Variants in OPCML observed in about 807,000 individuals in gnomAD.
The protein encoded by OPCML is opioid-binding protein/cell adhesion molecule.
OPCML carries 13 observed loss-of-function variants against 37.8 expected under a neutral mutation model. That is an observed-to-expected ratio of 0.34 (90% CI 0.22 to 0.55). The LOEUF is 0.55. Among genes scored for constraint, OPCML ranks in the 20% least tolerant of loss-of-function variants. The pLI, the probability that OPCML is intolerant of heterozygous loss-of-function variation, is 0.91. For synonymous variants in OPCML, 176 were observed against 168.8 expected (o/e 1.04, Z -0.33); for missense variants, 341 against 435.6 (o/e 0.78, Z 1.93).
intron 3 of OPCML, among the ~76,000 whole-genome samples, chr11:132,563,683 CTT>C (rs1591555764): frequency 6.6e-6 from 1 of 152,070 alleles, no homozygotes; most frequent in African/African-American, 2.4e-5. Flanking sequence ...AAGAAATTTC[CTT>C]TCAGTGTCCA....
At chr11:132,664,079 G>A (rs1942117489) in intron 2 of OPCML, among the ~76,000 whole-genome samples, 1 of 152,026 alleles carries the variant, frequency 6.6e-6, no homozygotes, top group Admixed American at 6.5e-5. Flanking sequence ...TGATCCGCCC[G>A]CCTCGGCCTC....
At chr11:133,222,605 G>A (rs901722023) in intron 1 of OPCML, among the ~76,000 whole-genome samples, 1 of 152,180 alleles carries the variant, frequency 6.6e-6, no homozygotes, top group Non-Finnish European at 1.5e-5. Context: ...AGCCCAGCAG[G>A]TTGTGGGAAG....
intron 1 of OPCML, among the ~76,000 whole-genome samples, chr11:133,032,629 A>G (rs929810798): frequency 1.3e-5 from 2 of 152,232 alleles, no homozygotes; most frequent in Admixed American, 1.3e-4. Flanking sequence ...AATCCCACAT[A>G]CATGCACAAA....
chr11:133,125,664 ATATAG>A (rs1382981182), intron 1 of OPCML, among the ~76,000 whole-genome samples: 3 of 96,938 alleles, frequency 3.1e-5, no homozygotes, highest in South Asian at 6.8e-4. Context: ...ATATACATGT[ATATAG>A]TATAGTATAT....
chr11:133,155,945 C>T (rs1441326228), intron 1 of OPCML, among the ~76,000 whole-genome samples: 4 of 152,164 alleles, frequency 2.6e-5, no homozygotes, highest in Admixed American at 6.5e-5. Flanking sequence ...AAATCACCCT[C>T]TTCTCTAGTC....
At chr11:132,985,514 A>G (rs1946668684) in intron 1 of OPCML, among the ~76,000 whole-genome samples, 1 of 152,246 alleles carries the variant, frequency 6.6e-6, no homozygotes, top group African/African-American at 2.4e-5. Context: ...AAGAAAGCAC[A>G]GTCACCTCAC....
intron 1 of OPCML, among the ~76,000 whole-genome samples, chr11:133,244,693 GCTCA>G (rs1447167418): frequency 5.2e-5 from 4 of 77,508 alleles, no homozygotes; most frequent in Non-Finnish European, 8.4e-5. Context: ...TTCCCCCTTT[GCTCA>G]CTCACTCTCT....
At chr11:133,348,234 G>A (rs539074959) in intron 1 of OPCML, among the ~76,000 whole-genome samples, 67 of 152,264 alleles carry the variant, frequency 4.4e-4, no homozygotes, top group African/African-American at 1.3e-3. Context: ...CACTGCAAAC[G>A]AGAGCCATTG....
chr11:132,782,923 A>ATATATATATATATATATG (rs1565860289), intron 2 of OPCML, among the ~76,000 whole-genome samples: 22 of 143,392 alleles, frequency 1.5e-4, no homozygotes, highest in Non-Finnish European at 2.6e-4. Flanking sequence ...GTGTGTATAT[A>ATATATATATATATATATG]TATATATATA....
intron 4 of OPCML, among the ~76,000 whole-genome samples, chr11:132,508,279 G>T (rs1485819219): frequency 1.3e-5 from 2 of 152,064 alleles, no homozygotes; most frequent in African/African-American, 2.4e-5. Context: ...CAGACCAATT[G>T]CCCTCATGAA....
intron 1 of OPCML, among the ~76,000 whole-genome samples, chr11:133,207,543 T>C (rs1296222593): frequency 1.3e-5 from 2 of 152,208 alleles, no homozygotes; most frequent in Admixed American, 6.5e-5. Context: ...ATTCGCTCTG[T>C]CACTAAGCCT....
At chr11:133,163,896 C>G (rs1185798533) in intron 1 of OPCML, among the ~76,000 whole-genome samples, 4 of 152,224 alleles carry the variant, frequency 2.6e-5, no homozygotes, top group Admixed American at 2.6e-4. Flanking sequence ...TTAGAAATCT[C>G]TCATACGGCT....
intron 1 of OPCML, among the ~76,000 whole-genome samples, chr11:133,503,978 C>T (rs892499714): frequency 6.6e-6 from 1 of 152,174 alleles, no homozygotes; most frequent in Non-Finnish European, 1.5e-5. Flanking sequence ...GACAAGAGAG[C>T]TCCAGATTCA....
chr11:132,650,469 G>A (rs187816312), intron 3 of OPCML, among the ~76,000 whole-genome samples: 14 of 152,090 alleles, frequency 9.2e-5, no homozygotes, highest in Admixed American at 5.9e-4. Flanking sequence ...AGGACATGAC[G>A]CCCAGAAAAG....
At chr11:132,819,354 TAA>T (rs5795802) in intron 2 of OPCML, among the ~76,000 whole-genome samples, 179 of 145,846 alleles carry the variant, frequency 1.2e-3, no homozygotes, top group Non-Finnish European at 1.6e-3. Flanking sequence ...TTACTTTGGT[TAA>T]AAAAAAAAAA....
chr11:132,426,693 A>C (rs1464445586), intron 7 of OPCML, among the ~76,000 whole-genome samples: 1 of 152,198 alleles, frequency 6.6e-6, no homozygotes, highest in East Asian at 1.9e-4. Context: ...CGGCCTCCCA[A>C]AATGCTGGAA....
intron 1 of OPCML, among the ~76,000 whole-genome samples, chr11:133,326,286 TGG>T (rs1943448098): frequency 1.7e-5 from 1 of 60,000 alleles, no homozygotes; most frequent in African/African-American, 9.4e-5. Context: ...TGTGGGGGTG[TGG>T]GTGTGTGTGG....
intron 2 of OPCML, among the ~76,000 whole-genome samples, chr11:132,716,425 TC>T (rs1944492344): frequency 1.1e-5 from 1 of 92,296 alleles, no homozygotes; most frequent in African/African-American, 4.6e-5. Flanking sequence ...TATCTATCTA[TC>T]TATCTATCTA....
rs2096207654 is a variant in OPCML, at chr11:132,488,843, A to G, written c.505+40218T>C. On this transcript the variant is annotated intron_variant, in intron 4 of 7. Transcript: ENST00000524381. ...AAGGAAGATCACTTTGTCCATCTTAATGAAACCTGTATCCTTTCCATACTG... is the reference window on the plus strand; with the variant it reads ...AAGGAAGATCACTTTGTCCATCTTAGTGAAACCTGTATCCTTTCCATACTG... Among the ~76,000 whole-genome samples, 5 of 152,196 alleles carry G rather than the reference A, an allele frequency of 3.3e-5. No individual in the cohort carries two copies. The South Asian group carries it at 1.0e-3, about 32-fold the overall frequency.
Sources: allele counts gnomAD v4.1 joint callset (sites outside exome capture counted in the v4.1 genomes callset), GRCh38; gene constraint gnomAD v4.1.1; transcripts MANE v1.5; gene names NCBI Gene and HGNC (gene_info 2026-07-23, HGNC 2026-07-21).